The following ERBIN variants were observed in gnomAD, a reference collection of about 807,000 sequenced individuals.
ERBIN encodes erbb2 interacting protein.
In ERBIN, 60 loss-of-function variants were observed where a neutral mutation model predicts 158.4. The ratio of observed to expected loss-of-function variants is 0.38; its 90% CI spans 0.31 to 0.47. The LOEUF is 0.47. ERBIN is among the 20% of genes least tolerant of loss of function. The probability of loss-of-function intolerance (pLI) is 0.99; values close to 1 mark genes in which losing one functional copy is unlikely to be tolerated. For missense variants in ERBIN, 1,610 were observed against 1,648.0 expected, an observed-to-expected ratio of 0.98 and a Z score of 0.40; for synonymous variants, 594 against 557.2, an observed-to-expected ratio of 1.07 and a Z score of -0.93.
At position 65,941,005 on chromosome 5, in the gene ERBIN, C is replaced by T. The variant is rs558995802; in HGVS notation, c.-58+14199C>T. On this transcript the variant is annotated intron_variant, in intron 1 of 25. Transcript: ENST00000284037. ...TCTTCTGCCTTGTGATCCTGTTGAT[C>T]GGTGACCCTACCCCCAACCCTGTGC... Among the ~76,000 whole-genome samples the T allele has an allele frequency of 1.5e-3, 234 of 152,196 alleles. 1 individual carries two copies. The highest frequency in any genetic ancestry group is 5.5e-3 in the African/African-American group (227 of 41,508).
rs761820281 is a variant in ERBIN at position 66,062,112 on chromosome 5, TCTC to T, written c.3633+7164_3633+7166del. On this transcript the variant is annotated intron_variant, in intron 21 of 25. Transcript: ENST00000284037. ...GCTTGCCTTGCTAGATTTGGTTAGT[TCTC>T]CTGGATAATATCCTGCAGTGTTTTC... Among the ~76,000 whole-genome samples, 379 of 151,278 alleles carry T rather than the reference TCTC, an allele frequency of 2.5e-3. 1 individual carries two copies. Among genetic ancestry groups the T allele is most frequent in the African/African-American group, 8.6e-3 (350 of 40,564 alleles).
intron 7 of ERBIN, among the ~76,000 whole-genome samples, chr5:66,018,558 TAA>T (rs1755242318): frequency 6.7e-5 from 1 of 15,018 alleles, no homozygotes; most frequent in East Asian, 8.4e-4. Context: ...ATATATTATA[TAA>T]TATATATTAT....
chr5:65,959,316 C>G (rs751308736), intron 1 of ERBIN, among the ~76,000 whole-genome samples: 20 of 151,718 alleles, frequency 1.3e-4, no homozygotes, highest in Non-Finnish European at 2.2e-4. Flanking sequence ...GTGTTTATTG[C>G]CCTTTTTTCA....
At chr5:65,981,712 C>T (rs1202862857) in intron 1 of ERBIN, among the ~76,000 whole-genome samples, 1 of 152,098 alleles carries the variant, frequency 6.6e-6, no homozygotes, top group South Asian at 2.1e-4. Flanking sequence ...CACCACTTGG[C>T]TTAAAACGAT....
At chr5:66,022,793 A>G (rs1432777649) in intron 8 of ERBIN, 1 of 152,554 alleles carries the variant, frequency 6.6e-6, no homozygotes, top group Non-Finnish European at 1.5e-5. Context: ...GACTTTGTCT[A>G]TTTACCTTTC....
In ERBIN at chr5:66,080,671, CTACTT is replaced by C. The variant is rs989715953; in HGVS notation, c.*2145_*2149del. On this transcript the variant is annotated 3_prime_UTR_variant, in exon 26 of 26. Coordinates refer to ENST00000284037, the MANE Select transcript of ERBIN (RefSeq NM_001253697.2). ...ATAAGTATAATTGTGAAGTTTTCAA[CTACTT>C]TACCTTGAACCACATATACCAATTA... The C allele has an allele frequency of 1.3e-5, 2 of 151,990 alleles. No individual in the cohort carries two copies. Among genetic ancestry groups the C allele is most frequent in the Non-Finnish European group, 2.9e-5 (2 of 67,920 alleles). 9.4% of individuals were successfully genotyped at this position (151,990 alleles called of 1,614,324 possible).
intron 7 of ERBIN, among the ~76,000 whole-genome samples, chr5:66,019,817 T>C (rs1755496096): frequency 6.6e-6 from 1 of 152,172 alleles, no homozygotes; most frequent in Admixed American, 6.5e-5. Flanking sequence ...AATAGTTACA[T>C]GTGAATTTTC....
chr5:66,047,045 T>C (rs1047135321), intron 18 of ERBIN, among the ~76,000 whole-genome samples: 3 of 152,112 alleles, frequency 2.0e-5, no homozygotes, highest in African/African-American at 7.2e-5. Flanking sequence ...ATTTACCAAA[T>C]TGTGCAGCCA....
At chr5:66,013,153 C>T (rs1754385281) in intron 5 of ERBIN, among the ~76,000 whole-genome samples, 1 of 152,120 alleles carries the variant, frequency 6.6e-6, no homozygotes, top group Non-Finnish European at 1.5e-5. Context: ...AATTATTCAG[C>T]CCAAAATTTC....
intron 1 of ERBIN, among the ~76,000 whole-genome samples, chr5:65,969,595 T>G (rs1443550604): frequency 6.6e-6 from 1 of 152,232 alleles, no homozygotes; most frequent in Non-Finnish European, 1.5e-5. Context: ...TCAGCTATAT[T>G]GTTTTTGAAT....
At chr5:66,066,044 G>C (rs1297360662) in intron 21 of ERBIN, among the ~76,000 whole-genome samples, 1 of 151,962 alleles carries the variant, frequency 6.6e-6, no homozygotes, top group Non-Finnish European at 1.5e-5. Flanking sequence ...AGTCTCTCGT[G>C]GGGATGCTTT....
intron 7 of ERBIN, among the ~76,000 whole-genome samples, chr5:66,015,993 C>G (rs1301662263): frequency 3.3e-5 from 5 of 152,182 alleles, no homozygotes; most frequent in African/African-American, 9.7e-5. Flanking sequence ...ATATGTCACT[C>G]TCTTCTTCCC....
At chr5:66,003,388 T>C (rs1173738783) in intron 4 of ERBIN, among the ~76,000 whole-genome samples, 1 of 152,030 alleles carries the variant, frequency 6.6e-6, no homozygotes, top group Non-Finnish European at 1.5e-5. Flanking sequence ...GGCTTTTGCT[T>C]GGTGATTGGG....
At chr5:66,030,399 C>G (rs1475099832) in intron 14 of ERBIN, among the ~76,000 whole-genome samples, 1 of 152,030 alleles carries the variant, frequency 6.6e-6, no homozygotes, top group African/African-American at 2.4e-5. Context: ...GAACTGATTT[C>G]TCTTAATTGA....
At chr5:65,997,426 G>A (rs3846480) in intron 4 of ERBIN, among the ~76,000 whole-genome samples, 6,459 of 152,122 alleles carry the variant, frequency 0.042, 470 homozygotes, top group African/African-American at 0.15. Context: ...ATTAAGGCCA[G>A]GTAGTCTTGT....
At chr5:66,041,614 A>G (rs1396136489) in intron 15 of ERBIN, among the ~76,000 whole-genome samples, 1 of 152,058 alleles carries the variant, frequency 6.6e-6, no homozygotes, top group Non-Finnish European at 1.5e-5. Context: ...AAGAATGAGA[A>G]GCATGGTATA....
intron 1 of ERBIN, among the ~76,000 whole-genome samples, chr5:65,967,411 A>AT (rs1374270059): frequency 2.0e-5 from 3 of 151,872 alleles, no homozygotes; most frequent in Non-Finnish European, 4.4e-5. Context: ...TTTATCTTTC[A>AT]TACCATATTT....
In ERBIN at chr5:65,992,866, G is replaced by A; in HGVS notation, c.148G>A (p.Glu50Lys). 1.2e-6 allele frequency: 2 copies of A among 1,612,622 alleles called. No homozygotes were observed. The change falls in exon 3 of 26, where the codon GAA becomes AAA. Residue 50 changes from glutamate (E) to lysine (K), a missense_variant. Coordinates refer to ENST00000284037, the MANE Select transcript of ERBIN (RefSeq NM_001253697.2). ...TTTTACTTTTGAAAAAACCTTGGAGGAACTCTATTTAGATGCTAATCAGAT... is the reference window on the plus strand; with the variant it reads ...TTTTACTTTTGAAAAAACCTTGGAGAAACTCTATTTAGATGCTAATCAGAT... ...EIFTFEKTLE[E>K]LYLDANQIEE...
At chr5:65,934,291 T>C (rs1743809700) in intron 1 of ERBIN, among the ~76,000 whole-genome samples, 1 of 152,200 alleles carries the variant, frequency 6.6e-6, no homozygotes, top group South Asian at 2.1e-4. Context: ...AAAGTAAACA[T>C]GAATATATTA....
Sources: gnomAD v4.1 joint callset for allele counts (sites outside exome capture counted in the v4.1 genomes callset) on GRCh38, gnomAD v4.1.1 for gene constraint, MANE v1.5 for transcripts, NCBI Gene and HGNC (gene_info 2026-07-23, HGNC 2026-07-21) for gene names.